Variants in FMN2 observed in about 807,000 individuals in gnomAD.
FMN2 encodes the protein formin 2, also known as formin-2.
Under a neutral mutation model 142.3 loss-of-function variants are expected in FMN2, and 51 were observed. The ratio of observed to expected loss-of-function variants is 0.36; its 90% CI spans 0.29 to 0.45. FMN2 has a LOEUF of 0.45. Among genes scored for constraint, FMN2 ranks in the 20% least tolerant of loss-of-function variants. FMN2 has a pLI of 1.00. For synonymous variants in FMN2, 882 were observed against 869.8 expected, an observed-to-expected ratio of 1.01 and a Z score of -0.25; for missense variants, 1,936 against 2,122.8, an observed-to-expected ratio of 0.91 and a Z score of 1.73.
chr1:240,404,347 A>G (rs912007460), intron 15 of FMN2, among the ~76,000 whole-genome samples: 3 of 152,236 alleles, frequency 2.0e-5, no homozygotes, highest in African/African-American at 7.2e-5. Flanking sequence ...CTTTCTGAGT[A>G]ACTATCCGGA....
chr1:240,213,165 G>A (rs1297012186), intron 6 of FMN2, among the ~76,000 whole-genome samples: 3 of 152,282 alleles, frequency 2.0e-5, no homozygotes, highest in South Asian at 4.1e-4. Context: ...TCTGTGTTGA[G>A]CATCATCATC....
intron 13 of FMN2, among the ~76,000 whole-genome samples, chr1:240,352,454 C>T (rs1382358278): frequency 2.0e-5 from 3 of 152,072 alleles, no homozygotes; most frequent in Admixed American, 6.5e-5. Context: ...TGGTGGCAGG[C>T]GCCTGTAATC....
At chr1:240,467,200 G>A (rs953813152) in intron 16 of FMN2, among the ~76,000 whole-genome samples, 1 of 152,028 alleles carries the variant, frequency 6.6e-6, no homozygotes, top group Admixed American at 6.6e-5. Context: ...TAGGAAGGGG[G>A]CCCTGTATTA....
chr1:240,385,131 T>C (rs142221177), intron 14 of FMN2, among the ~76,000 whole-genome samples: 3 of 152,330 alleles, frequency 2.0e-5, no homozygotes, highest in African/African-American at 7.2e-5. Context: ...GCAAGTAAGA[T>C]TAGGAAGAAA....
At chr1:240,375,916 CTGTTT>C (rs577478773) in intron 14 of FMN2, among the ~76,000 whole-genome samples, 215 of 152,026 alleles carry the variant, frequency 1.4e-3, no homozygotes, top group African/African-American at 4.9e-3. Flanking sequence ...TTTTTTCTTT[CTGTTT>C]TGTCAGTTGG....
At chr1:240,179,061 G>A (rs1665044495) in intron 3 of FMN2, among the ~76,000 whole-genome samples, 1 of 152,114 alleles carries the variant, frequency 6.6e-6, no homozygotes, top group Admixed American at 6.6e-5. Context: ...CCTAACAACT[G>A]TATTCAGTTT....
chr1:240,343,238 A>T (rs1671800730), intron 13 of FMN2, among the ~76,000 whole-genome samples: 1 of 152,240 alleles, frequency 6.6e-6, no homozygotes, highest in African/African-American at 2.4e-5. Flanking sequence ...GTAGCTTGCT[A>T]TGACTACTCT....
intron 1 of FMN2, among the ~76,000 whole-genome samples, chr1:240,122,511 G>A (rs1662324117): frequency 1.3e-5 from 2 of 152,080 alleles, no homozygotes; most frequent in African/African-American, 4.8e-5. Flanking sequence ...TTGAACTCCT[G>A]ACCTCAGGTG....
At chr1:240,324,458 G>C (rs1558433552) in intron 8 of FMN2, among the ~76,000 whole-genome samples, 1 of 152,136 alleles carries the variant, frequency 6.6e-6, no homozygotes, top group African/African-American at 2.4e-5. Flanking sequence ...ATCGAGACCA[G>C]CCTGGCTAAC....
intron 2 of FMN2, among the ~76,000 whole-genome samples, chr1:240,138,752 C>G (rs1190197532): frequency 6.6e-6 from 1 of 152,092 alleles, no homozygotes. Context: ...TTGTTTTTCC[C>G]CCTTTTAAAG....
At chr1:240,377,196 T>C (rs1673075858) in intron 14 of FMN2, among the ~76,000 whole-genome samples, 1 of 152,218 alleles carries the variant, frequency 6.6e-6, no homozygotes, top group Admixed American at 6.5e-5. Flanking sequence ...TTCCTTAACA[T>C]TTCTCATTAT....
At chr1:240,223,196 C>T (rs190170498) in intron 6 of FMN2, among the ~76,000 whole-genome samples, 55 of 152,138 alleles carry the variant, frequency 3.6e-4, no homozygotes, top group African/African-American at 9.9e-4. Context: ...TAGCATAAAG[C>T]GGTGCTGAAT....
At chr1:240,443,503 C>A (rs1246505824) in intron 16 of FMN2, among the ~76,000 whole-genome samples, 1 of 152,076 alleles carries the variant, frequency 6.6e-6, no homozygotes, top group Non-Finnish European at 1.5e-5. Context: ...TTTGGGAGGC[C>A]AAGCACTTTG....
intron 6 of FMN2, among the ~76,000 whole-genome samples, chr1:240,239,126 A>C (rs902723190): frequency 4.6e-5 from 7 of 152,202 alleles, no homozygotes; most frequent in Admixed American, 2.6e-4. Context: ...ACAATATTTT[A>C]AAAACTAAAA....
At chr1:240,284,926 G>C (rs954451160) in intron 7 of FMN2, among the ~76,000 whole-genome samples, 10 of 152,024 alleles carry the variant, frequency 6.6e-5, no homozygotes, top group African/African-American at 2.2e-4. Context: ...AACTCGCTGG[G>C]ATCTACTCTC....
intron 13 of FMN2, among the ~76,000 whole-genome samples, chr1:240,345,631 C>T (rs960633404): frequency 2.0e-5 from 3 of 152,020 alleles, no homozygotes. Flanking sequence ...TTACAGCATG[C>T]ACCACCATGA....
chr1:240,098,097 A>ATTTTTTTTTTTTTTGTT (rs1661279027), intron 1 of FMN2, among the ~76,000 whole-genome samples: 1 of 98,690 alleles, frequency 1.0e-5, no homozygotes, highest in Non-Finnish European at 1.9e-5. Context: ...GTTATCTTGA[A>ATTTTTTTTTTTTTTGTT]TTTTTTTTTT....
At chr1:240,159,970 T>TACACACAC (rs1221510945) in intron 2 of FMN2, among the ~76,000 whole-genome samples, 3,137 of 113,866 alleles carry the variant, frequency 0.028, 138 homozygotes, top group African/African-American at 0.1. Flanking sequence ...TGTATATATA[T>TACACACAC]ATATACACAC....
At chr1:240,125,844 C>T (rs746505516) in intron 2 of FMN2, among the ~76,000 whole-genome samples, 1 of 152,058 alleles carries the variant, frequency 6.6e-6, no homozygotes, top group Non-Finnish European at 1.5e-5. Flanking sequence ...GGTGTGGCAT[C>T]GAGCGTGAAA....
Sources: allele counts gnomAD v4.1 joint callset (sites outside exome capture counted in the v4.1 genomes callset), GRCh38; gene constraint gnomAD v4.1.1; transcripts MANE v1.5; gene names NCBI Gene and HGNC (gene_info 2026-07-23, HGNC 2026-07-21).